Variants in ATG5 observed in about 807,000 individuals in gnomAD.
ATG5 encodes autophagy protein 5.
ATG5 carries 14 observed loss-of-function variants against 36.5 expected under a neutral mutation model. The observed-to-expected ratio is 0.38, with a 90% confidence interval of 0.25 to 0.60. ATG5 has a LOEUF of 0.60. Ranked by LOEUF, ATG5 falls within the 20% of genes least tolerant of loss-of-function variation. ATG5 has a pLI of 0.60. For missense variants in ATG5, 195 were observed against 326.7 expected (o/e 0.60, Z 3.11); for synonymous variants, 95 against 101.5 (o/e 0.94, Z 0.38).
At chr6:106,285,750 T>C (rs1780052008) in intron 4 of ATG5, among the ~76,000 whole-genome samples, 1 of 152,260 alleles carries the variant, frequency 6.6e-6, no homozygotes, top group Non-Finnish European at 1.5e-5. Context: ...AATGCAACTT[T>C]ATTTATGGTC....
rs150110364 is a variant in ATG5, at chr6:106,286,114, C to T, written c.316-6291G>A. Among the ~76,000 whole-genome samples, 13 of 152,318 alleles carry T rather than the reference C, an allele frequency of 8.5e-5. 1 individual carries two copies. The East Asian group carries it at 2.5e-3, about 29-fold the overall frequency. ...GAGTATCAGCTATGCATGTGCAACC[C>T]AGGCCTCAGCCAAGCACCCAGGGAG... On this transcript the variant is annotated intron_variant, in intron 4 of 7. Transcript: ENST00000369076.
chr6:106,289,115 G>C (rs1287513165), intron 4 of ATG5, among the ~76,000 whole-genome samples: 1 of 152,154 alleles, frequency 6.6e-6, no homozygotes, highest in Non-Finnish European at 1.5e-5. Flanking sequence ...GATAAATGCA[G>C]AGACACCAAG....
At chr6:106,199,079 C>A (rs1776319668) in intron 7 of ATG5, among the ~76,000 whole-genome samples, 1 of 152,168 alleles carries the variant, frequency 6.6e-6, no homozygotes. Flanking sequence ...ATACATGTGA[C>A]TGAGGATGTG....
chr6:106,191,151 T>A (rs1406271774), intron 7 of ATG5, among the ~76,000 whole-genome samples: 1 of 152,222 alleles, frequency 6.6e-6, no homozygotes, highest in Non-Finnish European at 1.5e-5. Flanking sequence ...ATATATGAGC[T>A]GAGCTCCTCT....
At chr6:106,220,751 C>T (rs1777215811) in intron 6 of ATG5, among the ~76,000 whole-genome samples, 1 of 151,926 alleles carries the variant, frequency 6.6e-6, no homozygotes, top group East Asian at 1.9e-4. Flanking sequence ...ATGAAAATCA[C>T]TTATGAGAAG....
At chr6:106,297,553 T>G (rs1179190384) in intron 3 of ATG5, among the ~76,000 whole-genome samples, 2 of 152,146 alleles carry the variant, frequency 1.3e-5, no homozygotes, top group Admixed American at 1.3e-4. Flanking sequence ...GAGCAATTAG[T>G]TGCATTCAGG....
At chr6:106,308,210 C>T (rs772793344) in intron 3 of ATG5, among the ~76,000 whole-genome samples, 154 bp downstream of exon 3, 35 of 152,112 alleles carry the variant, frequency 2.3e-4, no homozygotes, top group Admixed American at 2.0e-4. Context: ...TTTTCAATAA[C>T]GTATTCTAGT....
At chr6:106,268,405 T>C (rs1488452066) in intron 5 of ATG5, among the ~76,000 whole-genome samples, 1 of 152,148 alleles carries the variant, frequency 6.6e-6, no homozygotes, top group African/African-American at 2.4e-5. Flanking sequence ...TGTGGAGAAA[T>C]AGGAACACTT....
At chr6:106,310,664 T>C (rs1327995904) in intron 2 of ATG5, among the ~76,000 whole-genome samples, 3 of 152,168 alleles carry the variant, frequency 2.0e-5, no homozygotes, top group Admixed American at 2.0e-4. Context: ...TTTTTCATCA[T>C]GCTAAATGGA....
chr6:106,205,524 T>C (rs533447917), intron 6 of ATG5, among the ~76,000 whole-genome samples: 14 of 152,078 alleles, frequency 9.2e-5, no homozygotes, highest in Non-Finnish European at 1.8e-4. Context: ...CCATAAATAA[T>C]TGCAACTATT....
chr6:106,246,392 T>TCTCACACACACA (rs1387498156), intron 6 of ATG5, among the ~76,000 whole-genome samples: 3 of 129,570 alleles, frequency 2.3e-5, no homozygotes, highest in African/African-American at 8.7e-5. Context: ...TCTCTCTCTC[T>TCTCACACACACA]CACACACACA....
chr6:106,287,756 G>A (rs566366682), intron 4 of ATG5, among the ~76,000 whole-genome samples: 9 of 152,116 alleles, frequency 5.9e-5, no homozygotes, highest in Non-Finnish European at 1.2e-4. Flanking sequence ...AAAATTCCAT[G>A]CACTGTTCTC....
rs185241026 is a variant in ATG5 at position 106,211,595 on chromosome 6, A to G, written c.574-9506T>C. ...AGTGGTGGCGTGCATCTGTAGTCCC[A>G]GCTACTCAGGAGGCTGAGGCAGGAG... On this transcript the variant is annotated intron_variant, in intron 6 of 7. Transcript: ENST00000369076. Among the ~76,000 whole-genome samples the G allele has an allele frequency of 3.7e-3, 562 of 152,328 alleles. 1 individual carries two copies. The highest frequency in any genetic ancestry group is 6.0e-3 in the Non-Finnish European group (405 of 68,024).
intron 6 of ATG5, among the ~76,000 whole-genome samples, chr6:106,232,789 T>C (rs1475348515): frequency 1.3e-5 from 2 of 152,140 alleles, no homozygotes; most frequent in Admixed American, 1.3e-4. Context: ...TACCTAACCC[T>C]TATATTCTGC....
intron 6 of ATG5, among the ~76,000 whole-genome samples, chr6:106,229,466 G>C (rs200366820): frequency 6.6e-6 from 1 of 152,132 alleles, no homozygotes. Context: ...AGGACAGGGA[G>C]AGAGACAGAG....
intron 5 of ATG5, among the ~76,000 whole-genome samples, chr6:106,263,459 G>A (rs575272391): frequency 6.6e-6 from 1 of 152,168 alleles, no homozygotes; most frequent in Admixed American, 6.5e-5. Flanking sequence ...CTGAAGAGAG[G>A]AGCTGATCCT....
At chr6:106,297,755 C>T (rs1430142141) in intron 3 of ATG5, among the ~76,000 whole-genome samples, 2 of 130,382 alleles carry the variant, frequency 1.5e-5, no homozygotes, top group Non-Finnish European at 3.3e-5. Flanking sequence ...CACACACACA[C>T]ACACACACAC....
At chr6:106,321,764 A>G (rs1771084435) in intron 1 of ATG5, among the ~76,000 whole-genome samples, 1 of 152,158 alleles carries the variant, frequency 6.6e-6, no homozygotes, top group Non-Finnish European at 1.5e-5. Context: ...CTATCATGCA[A>G]TGTAGTTATC....
intron 6 of ATG5, among the ~76,000 whole-genome samples, chr6:106,213,752 C>T (rs1327844366): frequency 1.3e-5 from 2 of 152,066 alleles, no homozygotes; most frequent in Non-Finnish European, 2.9e-5. Flanking sequence ...ATTACATCAA[C>T]CTTTGGGAGT....
Sources: gnomAD v4.1 joint callset for allele counts (sites outside exome capture counted in the v4.1 genomes callset) on GRCh38, gnomAD v4.1.1 for gene constraint, MANE v1.5 for transcripts, NCBI Gene and HGNC (gene_info 2026-07-23, HGNC 2026-07-21) for gene names.